The following CCDC175 variants were observed in gnomAD, a reference collection of about 807,000 sequenced individuals.
The protein encoded by CCDC175 is coiled-coil domain-containing protein 175.
Under a neutral mutation model 114.6 loss-of-function variants are expected in CCDC175, and 100 were observed. That is an observed-to-expected ratio of 0.87 (90% CI 0.74 to 1.03). CCDC175 has a LOEUF of 1.03. Among genes scored for constraint, CCDC175 ranks in the 50% least tolerant of loss-of-function variants. The pLI is 0.00. For synonymous variants in CCDC175, 306 were observed against 308.7 expected, an observed-to-expected ratio of 0.99 and a Z score of 0.09; for missense variants, 880 against 917.8, an observed-to-expected ratio of 0.96 and a Z score of 0.53.
intron 8 of CCDC175, among the ~76,000 whole-genome samples, chr14:59,546,293 C>A (rs977337297): frequency 6.6e-6 from 1 of 151,948 alleles, no homozygotes; most frequent in Non-Finnish European, 1.5e-5. Context: ...AAGATGGGAA[C>A]AATAGACACT....
At chr14:59,523,849 C>A (rs1226047695) in intron 16 of CCDC175, among the ~76,000 whole-genome samples, 1 of 152,082 alleles carries the variant, frequency 6.6e-6, no homozygotes, top group Non-Finnish European at 1.5e-5. Flanking sequence ...ATTAGCCGGG[C>A]ATGGTGGCGG....
chr14:59,549,081 T>C (rs554310918), intron 8 of CCDC175, among the ~76,000 whole-genome samples: 25 of 152,344 alleles, frequency 1.6e-4, no homozygotes, highest in Middle Eastern at 3.4e-3. Context: ...TTGCAATAGA[T>C]CATGAAATGC....
chr14:59,531,537 C>G (rs987405597), intron 14 of CCDC175, among the ~76,000 whole-genome samples: 8 of 152,120 alleles, frequency 5.3e-5, no homozygotes, highest in African/African-American at 1.4e-4. Context: ...AGGACTAAGT[C>G]TTAAATAGTT....
Position 59,576,679 on chromosome 14 carries a change from A to C in CCDC175, c.97T>G (p.Leu33Val). ...ACCGAGGAGCCCAGGGTGGAGGGTA[A>C]GGTGCATAACTCCAGGGAGGGGCCA... ...STGPSLELCT[L>V]PSTLGSSVAV... Residue 33 changes from leucine (L) to valine (V), a missense_variant, in exon 1 of 20, where the codon TTA becomes GTA. By Grantham distance (32) the Leu-to-Val change is conservative. Transcript: ENST00000537690. 1 of 1,485,968 alleles carries C rather than the reference A, an allele frequency of 6.7e-7. No individual in the cohort carries two copies. Among genetic ancestry groups the C allele is most frequent in the Non-Finnish European group, 8.9e-7 (1 of 1,125,730 alleles). The allele number at this position is 1,485,968 out of a possible 1,614,324, so 92.0% of individuals were successfully genotyped here. A position where few individuals can be genotyped will look rare whatever the true frequency, so the allele number is the denominator to read the frequency against.
chr14:59,525,885 G>A (rs1025304269), intron 15 of CCDC175, among the ~76,000 whole-genome samples: 5 of 152,254 alleles, frequency 3.3e-5, no homozygotes, highest in African/African-American at 1.2e-4. Context: ...GAGAATGTGG[G>A]TAGGTTATAT....
At chr14:59,534,724 A>G (rs1365208218) in intron 13 of CCDC175, among the ~76,000 whole-genome samples, 1 of 152,216 alleles carries the variant, frequency 6.6e-6, no homozygotes, top group Non-Finnish European at 1.5e-5. Context: ...AATCTGTGGC[A>G]AGCTCTGATA....
chr14:59,531,087 C>A (rs1894043902), intron 14 of CCDC175, among the ~76,000 whole-genome samples: 2 of 149,120 alleles, frequency 1.3e-5, no homozygotes, highest in Non-Finnish European at 3.0e-5. Context: ...TTAGCCTGGG[C>A]AACATAGTGA....
At chr14:59,553,116 C>T (rs1478106931) in intron 7 of CCDC175, among the ~76,000 whole-genome samples, 1 of 152,078 alleles carries the variant, frequency 6.6e-6, no homozygotes, top group Non-Finnish European at 1.5e-5. Context: ...ACAGAGAACG[C>T]CACAAAGATA....
In CCDC175 at chr14:59,545,201, T is replaced by C; in HGVS notation, c.1134A>G (p.Glu378=). ...TTTGTTTTTGCAAAAAAGCTTTTTC[T>C]TCCTCACTTAAAACAATCTTATATT... ...ARQYKIVLSE[E]EKAFLQKQKI... Residue 378 remains glutamate (E), a synonymous_variant, in exon 9 of 20, where the codon GAA becomes GAG. Transcript: ENST00000537690. 4 of 1,537,056 alleles carry C rather than the reference T, an allele frequency of 2.6e-6. No homozygotes were observed. Among genetic ancestry groups the C allele is most frequent in the Non-Finnish European group, 3.5e-6 (4 of 1,146,756 alleles).
At chr14:59,532,876 C>A (rs1894153101) in intron 13 of CCDC175, among the ~76,000 whole-genome samples, 1 of 152,214 alleles carries the variant, frequency 6.6e-6, no homozygotes, top group South Asian at 2.1e-4. Context: ...ATCTTCCCGA[C>A]TAGATGTTCA....
At chr14:59,553,388 A>G (rs910392029) in intron 7 of CCDC175, among the ~76,000 whole-genome samples, 28 of 152,220 alleles carry the variant, frequency 1.8e-4, no homozygotes, top group African/African-American at 6.8e-4. Flanking sequence ...AAGGAGAAAT[A>G]AAATCCTTTA....
Position 59,505,321 on chromosome 14 carries a change from G to T in CCDC175, c.2306-6C>A. 1.4e-6 allele frequency: 2 copies of T among 1,440,062 alleles called. No individual in the cohort carries two copies. The highest frequency in any genetic ancestry group is 1.9e-6 in the Non-Finnish European group (2 of 1,078,898). The allele number at this position is 1,440,062 out of a possible 1,614,324, so 89.2% of individuals were successfully genotyped here. On this transcript the variant is annotated splice_polypyrimidine_tract_variant and splice_region_variant and intron_variant, in intron 19 of 19. Transcript: ENST00000537690. ...ACGAATGTGTTTCTTCTTCTCTGTA[G>T]GAATAAAAAATAAATATAAAAATTT...
intron 4 of CCDC175, among the ~76,000 whole-genome samples, chr14:59,565,638 C>CAG (rs894408149): frequency 6.6e-5 from 10 of 151,692 alleles, no homozygotes; most frequent in Admixed American, 2.0e-4. Flanking sequence ...ACCTGGGAGG[C>CAG]AGAGGTTGCA....
rs192460689 is a variant in CCDC175, at chr14:59,521,893, A to C, written c.1996-217T>G. ...TTCCTATGAAGCATTTCACTTCAGC[A>C]TTTAAATAAACATGGCATTCTGAGT... On this transcript the variant is annotated intron_variant, in intron 16 of 19. Transcript: ENST00000537690. Among the ~76,000 whole-genome samples the C allele has an allele frequency of 2.0e-5, 3 of 152,362 alleles. No homozygotes were observed. The East Asian group carries it at 5.8e-4, about 29-fold the overall frequency.
chr14:59,555,635 A>G (rs1291506628), intron 7 of CCDC175, among the ~76,000 whole-genome samples: 2 of 152,200 alleles, frequency 1.3e-5, no homozygotes, highest in Admixed American at 1.3e-4. Context: ...CAGGAGAAAG[A>G]AATAAAGGGT....
At chr14:59,542,885 G>A (rs1422919133) in intron 10 of CCDC175, among the ~76,000 whole-genome samples, 4 of 152,068 alleles carry the variant, frequency 2.6e-5, no homozygotes, top group African/African-American at 9.7e-5. Context: ...ATATTTGAAA[G>A]CATATATTGT....
intron 13 of CCDC175, among the ~76,000 whole-genome samples, chr14:59,536,061 C>G (rs1480909979): frequency 1.3e-5 from 2 of 152,182 alleles, no homozygotes; most frequent in Non-Finnish European, 2.9e-5. Flanking sequence ...GACAGCTTTC[C>G]CTGCCCAATC....
chr14:59,522,203 T>C (rs1893461051), intron 16 of CCDC175, among the ~76,000 whole-genome samples: 1 of 152,188 alleles, frequency 6.6e-6, no homozygotes, highest in Admixed American at 6.5e-5. Context: ...GACCACCCAA[T>C]GCCCAGAAAC....
intron 7 of CCDC175, among the ~76,000 whole-genome samples, chr14:59,558,007 G>T (rs914155432): frequency 1.3e-5 from 2 of 152,186 alleles, no homozygotes; most frequent in African/African-American, 2.4e-5. Context: ...GATCCTGGGA[G>T]CAAGAATGCA....
Sources: allele counts gnomAD v4.1 joint callset (sites outside exome capture counted in the v4.1 genomes callset), GRCh38; gene constraint gnomAD v4.1.1; transcripts MANE v1.5; gene names NCBI Gene and HGNC (gene_info 2026-07-23, HGNC 2026-07-21).